Variants in LAMA5 observed in about 807,000 individuals in gnomAD.
The protein encoded by LAMA5 is laminin subunit alpha 5.
In LAMA5, 260 loss-of-function variants were observed where a neutral mutation model predicts 433.4. That is an observed-to-expected ratio of 0.60 (90% CI 0.54 to 0.66). The LOEUF (loss-of-function observed/expected upper bound fraction) is 0.66. Ranked by LOEUF, LAMA5 falls within the 30% of genes least tolerant of loss-of-function variation. The pLI is 0.00. For synonymous variants in LAMA5, 2,620 were observed against 2,226.6 expected (o/e 1.18, Z -4.97); for missense variants, 5,378 against 5,258.5 (o/e 1.02, Z -0.70).
chr20:62,330,017 G>T (rs775954844), intron 31 of LAMA5, 101 bp from the exon 32 acceptor site: 8 of 1,456,436 alleles, frequency 5.5e-6, no homozygotes, highest in Non-Finnish European at 7.3e-6. Flanking sequence ...AGGAGTGCCC[G>T]CTGGCCAACG....
At chr20:62,351,635 G>A (rs1429548609) in intron 6 of LAMA5, 69 bp downstream of exon 6, 11 of 1,487,802 alleles carry the variant, frequency 7.4e-6, no homozygotes, top group East Asian at 2.3e-5. Flanking sequence ...TTAGGCAGGG[G>A]TGACAAGGAC....
At chr20:62,310,116 C>A (rs776543379) in intron 77 of LAMA5, 35 bp from the exon 78 acceptor site, 8 of 1,610,644 alleles carry the variant, frequency 5.0e-6, no homozygotes, top group Middle Eastern at 1.7e-4. Flanking sequence ...AGGCTATGCC[C>A]CCGAGGTCAC....
At chr20:62,337,026 T>C (rs563095279) in intron 16 of LAMA5, 90 of 669,950 alleles carry the variant, frequency 1.3e-4, no homozygotes, top group Middle Eastern at 4.7e-4. Context: ...CCGCGTGGGG[T>C]ACCCGTGTAC....
At chr20:62,346,888 C>T (rs1405410108) in intron 7 of LAMA5, 25 bp downstream of exon 7, 1 of 1,610,866 alleles carries the variant, frequency 6.2e-7, no homozygotes, top group East Asian at 2.2e-5. Flanking sequence ...GGGCAGGACA[C>T]ACGTGTGTGG....
chr20:62,335,256 G>A lies in LAMA5; in HGVS notation c.2337C>T (p.Asp779=). The change falls in exon 19 of 80, where the codon GAC becomes GAT. Residue 779 remains aspartate, a synonymous_variant. Transcript: ENST00000252999. ...CAACTCCACCCAGTGTGCCCCTGAG[G>A]TCGCAGCTGCAGCCTGGGGAGAGCA... ...NPEGCTRCSC[D]LRGTLGGVAE... 1.2e-6 allele frequency: 2 copies of A among 1,612,452 alleles called. No homozygotes were observed. The highest frequency in any genetic ancestry group is 1.3e-5 in the African/African-American group (1 of 74,912).
chr20:62,320,532 G>A (rs1298458595), intron 50 of LAMA5, 27 bp downstream of exon 50: 2 of 1,545,242 alleles, frequency 1.3e-6, no homozygotes, highest in Non-Finnish European at 1.7e-6. Flanking sequence ...AGCCTCCCGG[G>A]GCCCTGGGGG....
chr20:62,316,845 G>A (rs748273533), intron 56 of LAMA5, 37 bp downstream of exon 56: 16 of 1,536,768 alleles, frequency 1.0e-5, no homozygotes, highest in South Asian at 3.6e-5. Context: ...CAGTGGGGGC[G>A]CTCCTGCTGG....
chr20:62,311,573 G>T (rs759692469), intron 71 of LAMA5, 37 bp from the exon 72 acceptor site: 9 of 1,609,876 alleles, frequency 5.6e-6, no homozygotes, highest in East Asian at 2.2e-5. Flanking sequence ...AGCTGCGGAA[G>T]GCCAGCTGGG....
chr20:62,309,643 GGGA>G (rs1985967599), intron 79 of LAMA5, 70 bp downstream of exon 79: 7 of 1,099,838 alleles, frequency 6.4e-6, no homozygotes, highest in African/African-American at 3.5e-5. Flanking sequence ...GAGGGGTGGG[GGGA>G]GGGTGGTAGG....
rs772286824 is a variant in LAMA5, at chr20:62,338,119, G to T, written c.1788C>A (p.Pro596=). 3 of 1,595,496 alleles carry T rather than the reference G, an allele frequency of 1.9e-6. No individual in the cohort carries two copies. The highest frequency in any genetic ancestry group is 2.6e-6 in the Non-Finnish European group (3 of 1,170,240). ...AGCGGCCGGCCTCATCGCAGCCCTC[G>T]GGCAAGGTTCCTGCAGGGCTGCAGC... ...LCGCSPAGTL[P]EGCDEAGRCL... is the part of the protein sequence containing the mutation. The change falls in exon 14 of 80, where the codon CCC becomes CCA. Residue 596 remains proline, a synonymous_variant. Coordinates refer to ENST00000252999, the MANE Select transcript of LAMA5 (RefSeq NM_005560.6).
intron 31 of LAMA5, 41 bp downstream of exon 31, chr20:62,330,447 C>T (rs1030007113): frequency 6.0e-6 from 9 of 1,488,680 alleles, no homozygotes; most frequent in African/African-American, 4.2e-5. Context: ...CCAGCCTCAT[C>T]GTGTGTGGTA....
intron 2 of LAMA5, among the ~76,000 whole-genome samples, chr20:62,357,833 G>A (rs1601424247): frequency 6.6e-6 from 1 of 152,138 alleles, no homozygotes; most frequent in African/African-American, 2.4e-5. Context: ...GGGGCTGCCC[G>A]CACCTCAACA....
In LAMA5 at chr20:62,322,445, C is replaced by T. The variant is rs964688711; in HGVS notation, c.6170G>A (p.Gly2057Glu). ...CCCGCAGCCATCGAAACCAAAATGT[C>T]CCTCCTGTGGCACAGGCTGGTCACT... ...TGRRCDRCQE[G>E]HFGFDGCGGC... The change falls in exon 47 of 80, where the codon GGA becomes GAA. Residue 2057 changes from glycine (G) to glutamate (E), a missense_variant. By Grantham distance (98) the Gly-to-Glu change is moderately conservative. Transcript: ENST00000252999. 1 of 1,583,290 alleles carries T rather than the reference C, an allele frequency of 6.3e-7. No individual in the cohort carries two copies. Among genetic ancestry groups the T allele is most frequent in the South Asian group, 1.1e-5 (1 of 87,280 alleles).
chr20:62,324,510 C>G lies in LAMA5; in HGVS notation c.5574G>C (p.Leu1858=). The G allele has an allele frequency of 6.2e-7, 1 of 1,612,338 alleles. No individual in the cohort carries two copies. The highest frequency in any genetic ancestry group is 8.5e-7 in the Non-Finnish European group (1 of 1,179,794). The change falls in exon 42 of 80, where the codon CTG becomes CTC. Residue 1858 remains leucine (L), a synonymous_variant. Transcript: ENST00000252999. This position sits in a 1 kb window ranked among gnomAD's most constrained non-coding sequence, Gnocchi z 4.4. The part of the protein sequence containing the change: ...GFYRDVKGLF[L]GRCVPCQCHG... ...GGCACTGACAAGGGACACATCGGCC[C>G]AGGAAGAGACCTTTGACGTCCCGAT... is the stretch of plus-strand genomic sequence containing the variant.
In LAMA5 at chr20:62,326,709, G is replaced by A; in HGVS notation, c.5266C>T (p.His1756Tyr). The A allele has an allele frequency of 6.2e-7, 1 of 1,612,872 alleles. No homozygotes were observed. Among genetic ancestry groups the A allele is most frequent in the Non-Finnish European group, 8.5e-7 (1 of 1,179,828 alleles). ...FLEPAYPTPG[H>Y]VHRGQLQLVE... is the part of the protein sequence containing the mutation. Reference sequence around the variant, plus strand: ...AGCTGCAGCTGCCCACGGTGAACGTGGCCAGGCGTGGGGTATGCCGGCTCC... The same window carrying A: ...AGCTGCAGCTGCCCACGGTGAACGTAGCCAGGCGTGGGGTATGCCGGCTCC... The change falls in exon 40 of 80, where the codon CAC (histidine) becomes TAC (tyrosine). Residue 1756 changes from histidine (H) to tyrosine (Y), a missense_variant. Physicochemically the swap from His to Tyr is moderately conservative, Grantham distance 83 (BLOSUM62 2). Transcript: ENST00000252999.
Position 62,351,713 on chromosome 20 carries a change from T to G in LAMA5, c.947A>C (p.Asp316Ala). Reference protein sequence around the residue: ...ADACDAKDPTDPFRLQCTCQH... With the variant: ...ADACDAKDPTAPFRLQCTCQH... The stretch of plus-strand genomic sequence containing the variant: ...CTGAATGGGGCCTCACCTGAACGGG[T>G]CCGTGGGGTCTTTGGCATCGCAGGC... The change falls in exon 6 of 80, where the codon GAC becomes GCC. Residue 316 changes from aspartate to alanine, a missense_variant. Coordinates refer to ENST00000252999, the MANE Select transcript of LAMA5 (RefSeq NM_005560.6). 6.2e-7 allele frequency: 1 copy of G among 1,611,438 alleles called. No individual in the cohort carries two copies. Among genetic ancestry groups the G allele is most frequent in the South Asian group, 1.1e-5 (1 of 90,610 alleles).
intron 28 of LAMA5, 124 bp downstream of exon 28, chr20:62,332,247 TG>T: frequency 1.5e-6 from 1 of 679,594 alleles, no homozygotes. Flanking sequence ...CATGCTGGGC[TG>T]GGCATGAGCG....
At position 62,338,011 on chromosome 20, in the gene LAMA5, C is replaced by T. The variant is rs1981973400; in HGVS notation, c.1891+5G>A. 6.3e-7 allele frequency: 1 copy of T among 1,594,952 alleles called. No homozygotes were observed. Among genetic ancestry groups the T allele is most frequent in the African/African-American group, 1.3e-5 (1 of 74,578 alleles). On this transcript the variant is annotated splice_donor_5th_base_variant and intron_variant, in intron 14 of 79. Coordinates refer to ENST00000252999, the MANE Select transcript of LAMA5 (RefSeq NM_005560.6). ...AACCCCTTCCTGCCCTGACCCTCTG[C>T]TCACCTTGGCAGTTGGGGAAACCAT... is the stretch of plus-strand genomic sequence containing the variant.
intron 53 of LAMA5, 37 bp from the exon 54 acceptor site, chr20:62,317,815 G>A (rs772594891): frequency 4.3e-6 from 5 of 1,165,872 alleles, no homozygotes; most frequent in South Asian, 2.7e-5. Context: ...ACAATGAGGG[G>A]TAAGAAAAGA....
Sources: gnomAD v4.1 joint callset for allele counts (sites outside exome capture counted in the v4.1 genomes callset) on GRCh38, gnomAD v4.1.1 for gene constraint, Gnocchi (gnomAD v3.1) non-coding constraint, MANE v1.5 for transcripts, NCBI Gene and HGNC (gene_info 2026-07-23, HGNC 2026-07-21) for gene names.